The following PAIP1 variants were observed in gnomAD, a reference collection of about 807,000 sequenced individuals.
PAIP1 encodes poly(A) binding protein interacting protein 1.
Under a neutral mutation model 61.3 loss-of-function variants are expected in PAIP1, and 16 were observed. That is an observed-to-expected ratio of 0.26 (90% confidence interval 0.18 to 0.40). The LOEUF is 0.40. PAIP1 is among the 10% of genes least tolerant of loss of function. The pLI is 1.00. For synonymous variants in PAIP1, 187 were observed against 226.2 expected (o/e 0.83, Z 1.56); for missense variants, 416 against 600.9 (o/e 0.69, Z 3.22).
chr5:43,549,950 C>G (rs907071574), intron 2 of PAIP1, among the ~76,000 whole-genome samples: 14 of 152,130 alleles, frequency 9.2e-5, no homozygotes, highest in African/African-American at 3.4e-4. Flanking sequence ...TCTCAAACTC[C>G]TGACCTCAAA....
chr5:43,533,692 C>CT, intron 9 of PAIP1, 46 bp downstream of exon 9: 1 of 1,245,376 alleles, frequency 8.0e-7, no homozygotes, highest in Admixed American at 1.7e-5. Context: ...AAATTTACTA[C>CT]TTTACCAAAC....
In PAIP1 at chr5:43,547,725, T is replaced by C. The variant is rs1314281463; in HGVS notation, c.621+3A>G. 6.9e-6 allele frequency: 11 copies of C among 1,595,620 alleles called. No individual in the cohort carries two copies. The highest frequency in any genetic ancestry group is 2.2e-5 in the East Asian group (1 of 44,690). On this transcript the variant is annotated splice_donor_region_variant and intron_variant, in intron 3 of 10. Coordinates refer to ENST00000306846, the MANE Select transcript of PAIP1 (RefSeq NM_006451.5). ...GGTCACTGCATGCTATAAGCCAACA[T>C]ACCTGTTGATAGATGAGTTCCACAA...
In PAIP1 at chr5:43,538,963, T is replaced by G. The variant is rs555982778; in HGVS notation, c.807A>C (p.Ala269=). The change falls in exon 5 of 11, where the codon GCA becomes GCC. Residue 269 remains alanine (A), a synonymous_variant. Coordinates refer to ENST00000306846, the MANE Select transcript of PAIP1 (RefSeq NM_006451.5). Reference sequence around the variant, plus strand: ...AAAGTTCTCCCAGAAAGAGTACAAATGCATGAAATCGTTTTCGAGTAACTT... The same window carrying G: ...AAAGTTCTCCCAGAAAGAGTACAAAGGCATGAAATCGTTTTCGAGTAACTT... ...GDEVTRKRFH[A]FVLFLGELYL... The G allele has an allele frequency of 6.2e-7, 1 of 1,611,180 alleles. No individual in the cohort carries two copies. Among genetic ancestry groups the G allele is most frequent in the African/African-American group, 1.3e-5 (1 of 75,002 alleles).
intron 9 of PAIP1, among the ~76,000 whole-genome samples, chr5:43,531,750 G>C (rs796233650): frequency 7.9e-5 from 12 of 151,312 alleles, no homozygotes; most frequent in African/African-American, 2.9e-4. Context: ...AGTACACCTG[G>C]GTAAAAGGTA....
At chr5:43,542,201 A>G (rs1747442581) in intron 4 of PAIP1, among the ~76,000 whole-genome samples, 1 of 150,130 alleles carries the variant, frequency 6.7e-6, no homozygotes, top group African/African-American at 2.5e-5. Flanking sequence ...AATCCCACAA[A>G]AGAACAAAAA....
chr5:43,549,001 T>C (rs1747752914), intron 2 of PAIP1, among the ~76,000 whole-genome samples: 1 of 152,032 alleles, frequency 6.6e-6, no homozygotes, highest in Non-Finnish European at 1.5e-5. Flanking sequence ...AGTGCAGTGG[T>C]GCAATCTTGG....
At chr5:43,533,393 G>T (rs947356527) in intron 9 of PAIP1, among the ~76,000 whole-genome samples, 1 of 152,166 alleles carries the variant, frequency 6.6e-6, no homozygotes, top group Non-Finnish European at 1.5e-5. Flanking sequence ...ACTATGCAGT[G>T]AACTAGAATC....
rs1045354193 is a variant in PAIP1 at position 43,533,121 on chromosome 5, C to A, written c.1252+617G>T. Among the ~76,000 whole-genome samples the A allele has an allele frequency of 5.3e-5, 8 of 152,310 alleles. No homozygotes were observed. In the South Asian group the frequency reaches 1.7e-3, roughly 32 times the overall value. ...ACTTCTCTGTGCTAGAGACACAGGA[C>A]AGTCAATGCTTGGAATCCAGAGGAA... On this transcript the variant is annotated intron_variant, in intron 9 of 10. Coordinates refer to ENST00000306846, the MANE Select transcript of PAIP1 (RefSeq NM_006451.5).
Position 43,543,060 on chromosome 5 carries a change from G to A in PAIP1, c.678C>T (p.Ser226=). Residue 226 remains serine (S), a synonymous_variant, in exon 4 of 11, where the codon TCC becomes TCT. Transcript: ENST00000306846. ...TCTGTGGGCTAATTGTCAGATGATG[G>A]GACAGGTAATTACACAGGCGAGCTC... ...YMGARLCNYL[S]HHLTISPQSG... 1.9e-6 allele frequency: 3 copies of A among 1,610,920 alleles called. No individual in the cohort carries two copies. The highest frequency in any genetic ancestry group is 1.7e-6 in the Non-Finnish European group (2 of 1,177,330).
chr5:43,557,147 T>A, upstream of PAIP1: 22 of 318,404 alleles, frequency 6.9e-5, no homozygotes, highest in Non-Finnish European at 1.0e-4. Flanking sequence ...AGCGGCCCCC[T>A]GCGGCCCGGA....
Position 43,526,373 on chromosome 5 carries a change from T to C in PAIP1, c.*1003A>G, listed in dbSNP as rs1177628401. 1 of 152,380 alleles carries C rather than the reference T, an allele frequency of 6.6e-6. No individual in the cohort carries two copies. The highest frequency in any genetic ancestry group is 2.4e-5 in the African/African-American group (1 of 41,394). The allele number at this position is 152,380 out of a possible 1,614,324, so 9.4% of individuals were successfully genotyped here. Reference sequence around the variant, plus strand: ...AGCTAACTGTATTAGCAGACACAGATGTACCAAATGTAAAACAGTGGGTTA... The same window carrying C: ...AGCTAACTGTATTAGCAGACACAGACGTACCAAATGTAAAACAGTGGGTTA... On this transcript the variant is annotated 3_prime_UTR_variant, in exon 11 of 11. Coordinates refer to ENST00000306846, the MANE Select transcript of PAIP1 (RefSeq NM_006451.5).
At chr5:43,535,001 A>T (rs1466338346) in intron 7 of PAIP1, 31 bp from the exon 8 acceptor site, 16 of 1,202,170 alleles carry the variant, frequency 1.3e-5, no homozygotes, top group Non-Finnish European at 2.0e-5. Flanking sequence ...GAGTTAGTGT[A>T]TCCACCATAA....
At chr5:43,529,373 T>C (rs529678610) in intron 10 of PAIP1, among the ~76,000 whole-genome samples, 17 of 152,268 alleles carry the variant, frequency 1.1e-4, no homozygotes, top group Non-Finnish European at 1.6e-4. Flanking sequence ...TTTTAGTACA[T>C]AAACACTACC....
At chr5:43,537,478 A>G (rs1217349837) in intron 5 of PAIP1, among the ~76,000 whole-genome samples, 11 of 152,174 alleles carry the variant, frequency 7.2e-5, no homozygotes, top group Non-Finnish European at 1.6e-4. Context: ...GAAAAAGAAC[A>G]TGGCATAAGA....
chr5:43,529,738 A>G (rs1393021407), intron 10 of PAIP1, 48 bp downstream of exon 10: 1 of 981,104 alleles, frequency 1.0e-6, no homozygotes, highest in South Asian at 1.3e-5. Context: ...CTCCACCTAT[A>G]AATTAGACAC....
intron 2 of PAIP1, among the ~76,000 whole-genome samples, chr5:43,554,124 G>A (rs890457967): frequency 6.6e-6 from 1 of 152,136 alleles, no homozygotes; most frequent in African/African-American, 2.4e-5. Flanking sequence ...CTCAAAGTAG[G>A]TGGACTAACA....
chr5:43,544,354 A>G (rs1747547658), intron 3 of PAIP1, among the ~76,000 whole-genome samples: 1 of 151,992 alleles, frequency 6.6e-6, no homozygotes, highest in Admixed American at 6.6e-5. Context: ...TCCTGACATC[A>G]TGTATGTTTA....
chr5:43,539,165 T>C (rs1340726147), intron 4 of PAIP1, 130 bp from the exon 5 acceptor site: 10 of 617,542 alleles, frequency 1.6e-5, no homozygotes, highest in East Asian at 5.4e-5. Context: ...CTTTCTACAA[T>C]AAAGAAACTG....
At chr5:43,547,039 T>G (rs1176362293) in intron 3 of PAIP1, among the ~76,000 whole-genome samples, 1 of 3,746 alleles carries the variant, frequency 2.7e-4, no homozygotes, top group Non-Finnish European at 5.2e-4. Flanking sequence ...CAAGACTCCA[T>G]ATCAAAAAAA....
Sources: allele counts gnomAD v4.1 joint callset (sites outside exome capture counted in the v4.1 genomes callset), GRCh38; gene constraint gnomAD v4.1.1; transcripts MANE v1.5; gene names NCBI Gene and HGNC (gene_info 2026-07-23, HGNC 2026-07-21).